KIAA1958: variants seen among roughly 807,000 people sequenced by gnomAD.
KIAA1958 encodes the protein KIAA1958, also known as uncharacterized protein KIAA1958.
A neutral mutation model predicts 47.2 loss-of-function variants in KIAA1958; 14 were observed. That is an observed-to-expected ratio of 0.30 (90% CI 0.20 to 0.46). The LOEUF is 0.46. KIAA1958 is among the 20% of genes least tolerant of loss of function. The pLI is 1.00. For missense variants in KIAA1958, 803 were observed against 909.2 expected, an observed-to-expected ratio of 0.88 and a Z score of 1.50; for synonymous variants, 354 against 353.3, an observed-to-expected ratio of 1.00 and a Z score of -0.02.
Position 112,574,632 on chromosome 9 carries a change from A to G in KIAA1958, c.552A>G (p.Ser184=). ...GGGTAGTCCCATCTTCCCTCCATTC[A>G]AGCTCCCAGACGCAGATGGTTGACG... ...RPGVVPSSLH[S]SSQTQMVDEC... Residue 184 remains serine, a synonymous_variant, in exon 2 of 4, where the codon TCA becomes TCG. Transcript: ENST00000337530. 1.2e-6 allele frequency: 2 copies of G among 1,614,160 alleles called. No homozygotes were observed. Among genetic ancestry groups the G allele is most frequent in the Non-Finnish European group, 1.7e-6 (2 of 1,180,032 alleles).
intron 3 of KIAA1958, among the ~76,000 whole-genome samples, chr9:112,653,016 G>A (rs1837088913): frequency 6.6e-6 from 1 of 152,162 alleles, no homozygotes; most frequent in Admixed American, 6.5e-5. Context: ...TCTTCAGGGA[G>A]CTTTCAGTCC....
At chr9:112,623,571 A>G (rs1423855682) in intron 2 of KIAA1958, among the ~76,000 whole-genome samples, 1 of 152,244 alleles carries the variant, frequency 6.6e-6, no homozygotes. Flanking sequence ...GATCAATGTT[A>G]GCACAACATT....
At chr9:112,635,214 TTGTGTGTGTGTGTGTGTGTGTGTGTGTG>T in intron 2 of KIAA1958, among the ~76,000 whole-genome samples, 1 of 130,434 alleles carries the variant, frequency 7.7e-6, no homozygotes, top group South Asian at 2.8e-4. Context: ...ATTCTTTATT[TTGTGTGTGTGTGTGTGTGTGTGTGTGTG>T]TGTGTGTGTG....
chr9:112,641,302 C>T (rs1022253654), intron 2 of KIAA1958, among the ~76,000 whole-genome samples: 3 of 150,232 alleles, frequency 2.0e-5, no homozygotes, highest in African/African-American at 7.3e-5. Context: ...AGTCTTTTTC[C>T]CTTACAACTC....
chr9:112,616,559 T>A (rs546921898), intron 2 of KIAA1958, among the ~76,000 whole-genome samples: 1 of 152,240 alleles, frequency 6.6e-6, no homozygotes, highest in Non-Finnish European at 1.5e-5. Flanking sequence ...TTTTACTTTA[T>A]ACTGTAGAAA....
intron 2 of KIAA1958, among the ~76,000 whole-genome samples, chr9:112,644,912 G>T (rs916179409): frequency 6.6e-6 from 1 of 152,080 alleles, no homozygotes; most frequent in African/African-American, 2.4e-5. Flanking sequence ...GAGGTGGGTG[G>T]ATCACCTGAG....
intron 1 of KIAA1958, among the ~76,000 whole-genome samples, chr9:112,548,553 T>A (rs10156453): frequency 0.95 from 145,361 of 152,280 alleles, 69,448 homozygotes; most frequent in African/African-American, 0.99. Flanking sequence ...CTTTGTGTCA[T>A]CATATCCAAA....
At position 112,666,013 on chromosome 9, in the gene KIAA1958, A is replaced by C. The variant is rs1837347538; in HGVS notation, c.*5944A>C. The C allele has an allele frequency of 6.7e-6, 1 of 150,130 alleles. No homozygotes were observed. The highest frequency in any genetic ancestry group is 1.5e-5 in the Non-Finnish European group (1 of 67,736). The allele number at this position is 150,130 out of a possible 1,614,324, so 9.3% of individuals were successfully genotyped here. On this transcript the variant is annotated 3_prime_UTR_variant, in exon 4 of 4. Transcript: ENST00000337530. ...CCTTTTTTTTTTTTTGAGACTCAGG[A>C]GTCTCACTCTGTTGCCCAGGCTGGA...
intron 1 of KIAA1958, among the ~76,000 whole-genome samples, chr9:112,491,587 A>G (rs1833971446): frequency 6.6e-6 from 1 of 151,384 alleles, no homozygotes; most frequent in Admixed American, 6.6e-5. Flanking sequence ...TCCTTAAGAA[A>G]CCTGCAAAGA....
rs1298193999 is a variant in KIAA1958, at chr9:112,486,921, G to GC, written c.-216dup. On this transcript the variant is annotated 5_prime_UTR_variant, in exon 1 of 4. Transcript: ENST00000337530. The stretch of plus-strand genomic sequence containing the variant: ...TCGGCCGAGCCAGGCTGGCGCCCCC[G>GC]CCCCCCGCCCCGCTCCTCGGTCCGC... 4 of 139,082 alleles carry GC rather than the reference G, an allele frequency of 2.9e-5. No individual in the cohort carries two copies. The highest frequency in any genetic ancestry group is 4.7e-5 in the Non-Finnish European group (3 of 63,834). The allele number at this position is 139,082 out of a possible 1,614,324, so 8.6% of individuals were successfully genotyped here.
intron 1 of KIAA1958, among the ~76,000 whole-genome samples, chr9:112,566,510 T>G (rs750582035): frequency 1.8e-4 from 27 of 152,212 alleles, no homozygotes; most frequent in Non-Finnish European, 3.2e-4. Context: ...TAGTCCCAGC[T>G]ACTCTGGAGG....
At chr9:112,532,732 G>GT (rs1214696899) in intron 1 of KIAA1958, among the ~76,000 whole-genome samples, 1 of 152,206 alleles carries the variant, frequency 6.6e-6, no homozygotes. Flanking sequence ...ACTGCTGTGT[G>GT]TGGTATAAGC....
rs1425201310 is a variant in KIAA1958, at chr9:112,659,660, G to A, written c.1742G>A (p.Gly581Asp). The change falls in exon 4 of 4, where the codon GGT (glycine) becomes GAT (aspartate). Residue 581 changes from glycine (G) to aspartate (D), a missense_variant. This residue lies in a region of KIAA1958 where 761 missense variants were observed against 829.3 expected (regional missense o/e 0.92). Transcript: ENST00000337530. Reference sequence around the variant, plus strand: ...CAGGAGCATGCGGATCTGATGTATGGTGACATCGAGCTGCTCAAAGACCCC... The same window carrying A: ...CAGGAGCATGCGGATCTGATGTATGATGACATCGAGCTGCTCAAAGACCCC... ...TLQEHADLMY[G>D]DIELLKDPQN... The A allele has an allele frequency of 6.2e-7, 1 of 1,614,040 alleles. No homozygotes were observed. Among genetic ancestry groups the A allele is most frequent in the East Asian group, 2.2e-5 (1 of 44,886 alleles).
chr9:112,659,035 A>G (rs1328940801), intron 3 of KIAA1958, among the ~76,000 whole-genome samples: 2 of 150,602 alleles, frequency 1.3e-5, no homozygotes, highest in Non-Finnish European at 3.0e-5. Flanking sequence ...AAAAAAAAAA[A>G]AAAAAAAAAG....
At chr9:112,576,144 A>G (rs558674058) in intron 2 of KIAA1958, among the ~76,000 whole-genome samples, 2 of 152,324 alleles carry the variant, frequency 1.3e-5, no homozygotes, top group East Asian at 3.9e-4. Context: ...CTTCATCCTG[A>G]AACGTCCTTG....
chr9:112,660,186 C>G lies in KIAA1958; in HGVS notation c.*117C>G. The G allele has an allele frequency of 1.2e-6, 1 of 830,688 alleles. No homozygotes were observed. Among genetic ancestry groups the G allele is most frequent in the Admixed American group, 2.5e-5 (1 of 40,666 alleles). 51.5% of individuals were successfully genotyped at this position (830,688 alleles called of 1,614,324 possible). A position where few individuals can be genotyped will look rare whatever the true frequency, so the allele number is the denominator to read the frequency against. ...GGTGTGACCTCCCGGTCTGGCGGCT[C>G]TCCCCTGGTGTGGCCTGCCCTCCCT... On this transcript the variant is annotated 3_prime_UTR_variant, in exon 4 of 4. Coordinates refer to ENST00000337530, the MANE Select transcript of KIAA1958 (RefSeq NM_133465.4).
intron 2 of KIAA1958, among the ~76,000 whole-genome samples, chr9:112,605,120 T>C (rs1223919755): frequency 6.6e-6 from 1 of 151,264 alleles, no homozygotes; most frequent in Non-Finnish European, 1.5e-5. Flanking sequence ...TTTAACACTT[T>C]GCTAAAGCTG....
chr9:112,590,948 C>T (rs1218387645), intron 2 of KIAA1958, among the ~76,000 whole-genome samples: 2 of 152,126 alleles, frequency 1.3e-5, no homozygotes, highest in African/African-American at 4.8e-5. Context: ...GGGCTTTGTG[C>T]ATTATAATTT....
chr9:112,529,866 CAG>C (rs1444013627), intron 1 of KIAA1958, among the ~76,000 whole-genome samples: 6 of 151,428 alleles, frequency 4.0e-5, no homozygotes, highest in Non-Finnish European at 7.4e-5. Flanking sequence ...TTTTTTGAGA[CAG>C]AGTCTCACTC....
Sources: gnomAD v4.1 joint callset for allele counts (sites outside exome capture counted in the v4.1 genomes callset) on GRCh38, gnomAD v4.1.1 for gene constraint, gnomAD v4.1.1 regional missense constraint, MANE v1.5 for transcripts, NCBI Gene and HGNC (gene_info 2026-07-23, HGNC 2026-07-21) for gene names.